PTPRK: variants seen among roughly 807,000 people sequenced by gnomAD.
PTPRK encodes receptor-type tyrosine-protein phosphatase kappa.
In PTPRK, 75 loss-of-function variants were observed where a neutral mutation model predicts 178.0. The observed-to-expected ratio is 0.42, with a 90% CI of 0.35 to 0.51. The LOEUF (loss-of-function observed/expected upper bound fraction) is 0.51. Ranked by LOEUF, PTPRK falls within the 20% of genes least tolerant of loss-of-function variation. PTPRK has a pLI of 0.02. For synonymous variants in PTPRK, 637 were observed against 620.6 expected (o/e 1.03, Z -0.39); for missense variants, 1,441 against 1,797.8 (o/e 0.80, Z 3.59).
At chr6:128,081,359 G>C (rs149157040) in intron 10 of PTPRK, among the ~76,000 whole-genome samples, 1 of 151,876 alleles carries the variant, frequency 6.6e-6, no homozygotes, top group African/African-American at 2.4e-5. Flanking sequence ...GCTCTTCCAA[G>C]GAATTATAGC....
At chr6:127,996,781 T>C (rs1777199743) in intron 17 of PTPRK, 120 bp downstream of exon 17, 3 of 1,293,758 alleles carry the variant, frequency 2.3e-6, no homozygotes, top group Non-Finnish European at 3.1e-6. Context: ...GTAAATGCTG[T>C]TTTAATATTA....
At chr6:128,380,418 T>C (rs1837717182) in intron 2 of PTPRK, among the ~76,000 whole-genome samples, 1 of 152,024 alleles carries the variant, frequency 6.6e-6, no homozygotes, top group South Asian at 2.1e-4. Flanking sequence ...CCAAGGGCTG[T>C]GCCTTAGAGA....
rs1256890761 is a variant in PTPRK at position 128,322,378 on chromosome 6, A to G, written c.224-68T>C. The G allele has an allele frequency of 4.3e-6, 6 of 1,408,852 alleles. No homozygotes were observed. The East Asian group carries it at 1.4e-4, about 32-fold the overall frequency. 87.3% of individuals were successfully genotyped at this position (1,408,852 alleles called of 1,614,324 possible). ...GCAAAGGGAACATATAACAATAAAA[A>G]TATGCTAATCCATTCTGAGCATTAA... is the stretch of plus-strand genomic sequence containing the variant. On this transcript the variant is annotated intron_variant, in intron 2 of 29. Transcript: ENST00000368226.
intron 2 of PTPRK, among the ~76,000 whole-genome samples, chr6:128,386,410 A>C (rs896536653): frequency 1.3e-5 from 2 of 152,146 alleles, no homozygotes; most frequent in African/African-American, 2.4e-5. Flanking sequence ...GTCTGAGTTT[A>C]TAGGGTCCCG....
At position 128,383,451 on chromosome 6, in the gene PTPRK, G is replaced by GGCCATTTT. The variant is rs532275868; in HGVS notation, c.223+14107_223+14114dup. On this transcript the variant is annotated intron_variant, in intron 2 of 29. Transcript: ENST00000368226. ...TCATCTACGTTAAAAAGCTTCAAAA[G>GGCCATTTT]GCCATTTTGCAATAGTATAGTGCAT... 5.2e-3 allele frequency among the ~76,000 whole-genome samples: 797 copies of GGCCATTTT among 152,106 alleles called. 10 individuals carry two copies. The highest frequency in any genetic ancestry group is 0.019 in the African/African-American group (769 of 41,514).
intron 1 of PTPRK, among the ~76,000 whole-genome samples, chr6:128,421,723 T>C (rs1407844638): frequency 6.6e-6 from 1 of 152,194 alleles, no homozygotes; most frequent in African/African-American, 2.4e-5. Flanking sequence ...AGGATCAGCA[T>C]ACAAACAGCA....
intron 2 of PTPRK, among the ~76,000 whole-genome samples, chr6:128,387,562 T>C (rs1838921754): frequency 6.6e-6 from 1 of 152,194 alleles, no homozygotes; most frequent in Non-Finnish European, 1.5e-5. Context: ...AGTCTTACTA[T>C]CCTGCTGGTT....
chr6:128,464,620 CATATATATATATATACACATAT>C lies in PTPRK; in HGVS notation c.100+55617_100+55638del, dbSNP rs1183141021. Among the ~76,000 whole-genome samples, 17 of 88,820 alleles carry C rather than the reference CATATATATATATATACACATAT, an allele frequency of 1.9e-4. No individual in the cohort carries two copies. In the South Asian group the frequency reaches 4.5e-3, roughly 23 times the overall value. The allele number at this position is 88,820 out of a possible 152,430, so 58.3% of individuals were successfully genotyped here. ...GTTTAAATATATATATATACATATA[CATATATATATATATACACATAT>C]ATATATATATATATATATATATATA... On this transcript the variant is annotated intron_variant, in intron 1 of 29. Transcript: ENST00000368226.
At chr6:128,250,625 A>C (rs562689787) in intron 3 of PTPRK, among the ~76,000 whole-genome samples, 1 of 152,338 alleles carries the variant, frequency 6.6e-6, no homozygotes, top group Non-Finnish European at 1.5e-5. Context: ...AAAGTTCTAG[A>C]TAATTTTCCC....
At chr6:128,039,342 A>C (rs140466125) in intron 13 of PTPRK, among the ~76,000 whole-genome samples, 1 of 152,194 alleles carries the variant, frequency 6.6e-6, no homozygotes, top group East Asian at 1.9e-4. Flanking sequence ...AATTTAAAAA[A>C]CAGTGTATTT....
intron 6 of PTPRK, among the ~76,000 whole-genome samples, chr6:128,208,581 A>G (rs1807426845): frequency 6.6e-6 from 1 of 152,148 alleles, no homozygotes; most frequent in Non-Finnish European, 1.5e-5. Context: ...AGATAATGTC[A>G]GCAATAAAAA....
At chr6:128,332,957 A>G (rs527403218) in intron 2 of PTPRK, among the ~76,000 whole-genome samples, 1 of 152,342 alleles carries the variant, frequency 6.6e-6, no homozygotes, top group South Asian at 2.1e-4. Flanking sequence ...TTCTGAAATC[A>G]TGGCACTCTC....
chr6:128,478,462 T>C (rs1039153477), intron 1 of PTPRK, among the ~76,000 whole-genome samples: 3 of 152,072 alleles, frequency 2.0e-5, no homozygotes, highest in African/African-American at 7.2e-5. Context: ...GAGAGTGCAA[T>C]ACAGATATTC....
intron 5 of PTPRK, among the ~76,000 whole-genome samples, chr6:128,226,149 A>G (rs1357243906): frequency 2.6e-5 from 4 of 152,194 alleles, no homozygotes; most frequent in African/African-American, 7.2e-5. Context: ...TGAAGTAACC[A>G]TTTGTGAGCT....
chr6:128,300,086 A>G (rs1312286132), intron 3 of PTPRK, among the ~76,000 whole-genome samples: 2 of 152,264 alleles, frequency 1.3e-5, no homozygotes, highest in African/African-American at 2.4e-5. Context: ...ACTTCTCAAA[A>G]GAAGACATTT....
chr6:128,173,749 T>C (rs374227402), intron 7 of PTPRK, among the ~76,000 whole-genome samples: 2 of 151,980 alleles, frequency 1.3e-5, no homozygotes, highest in Non-Finnish European at 2.9e-5. Flanking sequence ...TGTCTCCTCA[T>C]TGGAATTCTT....
chr6:128,227,396 T>C (rs1811542446), intron 5 of PTPRK, among the ~76,000 whole-genome samples: 1 of 152,068 alleles, frequency 6.6e-6, no homozygotes, highest in South Asian at 2.1e-4. Flanking sequence ...ACCTGCCACA[T>C]AAAAACAGAC....
At chr6:128,209,083 C>A (rs1028309841) in intron 6 of PTPRK, among the ~76,000 whole-genome samples, 7 of 151,902 alleles carry the variant, frequency 4.6e-5, no homozygotes, top group Non-Finnish European at 1.0e-4. Context: ...CATAACCACC[C>A]CCCCCAGGAA....
intron 2 of PTPRK, among the ~76,000 whole-genome samples, chr6:128,334,131 AACAT>A (rs1242026357): frequency 6.6e-6 from 1 of 152,196 alleles, no homozygotes; most frequent in African/African-American, 2.4e-5. Context: ...TTACAACAGT[AACAT>A]CAAAGATCAC....
Sources: allele counts gnomAD v4.1 joint callset (sites outside exome capture counted in the v4.1 genomes callset), GRCh38; gene constraint gnomAD v4.1.1; transcripts MANE v1.5; gene names NCBI Gene and HGNC (gene_info 2026-07-23, HGNC 2026-07-21).